The following STS variants were observed in gnomAD, a reference collection of about 807,000 sequenced individuals.
STS encodes the protein steroid sulfatase, also known as steryl-sulfatase.
A neutral mutation model predicts 26.8 loss-of-function variants in STS; 7 were observed. The observed-to-expected ratio is 0.26, with a 90% confidence interval of 0.15 to 0.49. STS has a LOEUF of 0.49. STS is among the 20% of genes least tolerant of loss of function. The pLI, the probability that STS is intolerant of heterozygous loss-of-function variation, is 0.98. For synonymous variants in STS, 199 were observed against 189.4 expected (o/e 1.05, Z -0.42); for missense variants, 434 against 465.6 (o/e 0.93, Z 0.63).
chrX:7,253,352 C>T lies in STS; in HGVS notation c.137+16C>T, dbSNP rs1923238132. 3 of 1,208,897 alleles carry T rather than the reference C, an allele frequency of 2.5e-6. No homozygotes were observed. Among genetic ancestry groups the T allele is most frequent in the Non-Finnish European group, 3.4e-6 (3 of 894,714 alleles). On this transcript the variant is annotated intron_variant, in intron 3 of 10. Transcript: ENST00000674429. Reference sequence around the variant, plus strand: ...AAACTATCAGGTTGGTAATGCAGCTCCTCAGTAAACACATGGCTGTATTCA... The same window carrying T: ...AAACTATCAGGTTGGTAATGCAGCTTCTCAGTAAACACATGGCTGTATTCA...
intron 9 of STS, among the ~76,000 whole-genome samples, chrX:7,328,355 T>C: frequency 9.0e-6 from 1 of 111,541 alleles, no homozygotes; most frequent in African/African-American, 3.3e-5. Flanking sequence ...TTCTACCTTC[T>C]AGCCACTCTA....
intron 8 of STS, among the ~76,000 whole-genome samples, chrX:7,324,232 T>C (rs1927246782): frequency 9.0e-6 from 1 of 110,680 alleles, no homozygotes; most frequent in African/African-American, 3.3e-5. Context: ...TGGCAGTTGG[T>C]TGAAAGAGTT....
chrX:7,273,759 TTGTA>T (rs1924397776), intron 6 of STS, among the ~76,000 whole-genome samples: 1 of 111,449 alleles, frequency 9.0e-6, no homozygotes, highest in Non-Finnish European at 1.9e-5. Flanking sequence ...TTAAATGAAT[TTGTA>T]TGCCCTTTCT....
At chrX:7,246,374 T>G (rs1157383972) in intron 2 of STS, among the ~76,000 whole-genome samples, 1 of 109,226 alleles carries the variant, frequency 9.2e-6, no homozygotes, top group Non-Finnish European at 1.9e-5. Flanking sequence ...CGATCTCGGC[T>G]CACTGCAAGC....
intron 6 of STS, among the ~76,000 whole-genome samples, chrX:7,275,294 A>G (rs1259237809): frequency 1.8e-5 from 2 of 111,905 alleles, no homozygotes; most frequent in Non-Finnish European, 3.8e-5. Context: ...AGTAGATTTT[A>G]AATGTTCTCA....
chrX:7,258,746 A>G (rs1923570745), intron 5 of STS, among the ~76,000 whole-genome samples: 1 of 111,193 alleles, frequency 9.0e-6, no homozygotes, highest in African/African-American at 3.3e-5. Context: ...GAGGTGCTTA[A>G]AATAATTGCT....
At chrX:7,325,046 G>C (rs1486763688) in intron 8 of STS, among the ~76,000 whole-genome samples, 1 of 111,809 alleles carries the variant, frequency 8.9e-6, no homozygotes, top group Non-Finnish European at 1.9e-5. Context: ...CAGAGTCATT[G>C]ATTTGAATCT....
intron 1 of STS, among the ~76,000 whole-genome samples, chrX:7,153,388 C>G (rs1313984099): frequency 1.0e-5 from 1 of 99,747 alleles, no homozygotes; most frequent in Non-Finnish European, 2.0e-5. Context: ...CTCTCTCATT[C>G]CTTCCCTTCC....
intron 7 of STS, among the ~76,000 whole-genome samples, chrX:7,294,574 C>T (rs576173808): frequency 3.6e-5 from 4 of 112,002 alleles, no homozygotes; most frequent in African/African-American, 1.3e-4. Flanking sequence ...ATTTTAGTCA[C>T]ATCTCTAAGC....
chrX:7,151,552 T>C (rs1933012049), intron 1 of STS, among the ~76,000 whole-genome samples: 1 of 112,202 alleles, frequency 8.9e-6, no homozygotes, highest in South Asian at 3.7e-4. Context: ...CGCTGCTGCT[T>C]TCCTCCAAGC....
chrX:7,318,641 G>A (rs1220191565), intron 8 of STS, among the ~76,000 whole-genome samples: 7 of 111,320 alleles, frequency 6.3e-5, no homozygotes, highest in Admixed American at 1.9e-4. Context: ...TGGGAATCTC[G>A]TGATGTTCCA....
chrX:7,156,174 A>C (rs1274243847), intron 1 of STS, among the ~76,000 whole-genome samples: 1 of 110,154 alleles, frequency 9.1e-6, no homozygotes, highest in African/African-American at 3.3e-5. Flanking sequence ...AATTCTGAGA[A>C]TCTATTGACA....
intron 6 of STS, among the ~76,000 whole-genome samples, chrX:7,270,835 T>C (rs769420069): frequency 5.4e-5 from 6 of 112,121 alleles, no homozygotes; most frequent in Non-Finnish European, 9.4e-5. Context: ...ACTCAACTGT[T>C]CTTTCAGTCC....
chrX:7,151,490 C>A (rs1471424828), intron 1 of STS, among the ~76,000 whole-genome samples: 1 of 111,989 alleles, frequency 8.9e-6, no homozygotes, highest in Non-Finnish European at 1.9e-5. Context: ...CTTTGCAACG[C>A]TGACTTAGGA....
intron 7 of STS, among the ~76,000 whole-genome samples, chrX:7,282,164 C>T (rs1250358003): frequency 9.3e-6 from 1 of 107,319 alleles, no homozygotes; most frequent in African/African-American, 3.4e-5. Flanking sequence ...TGGCAGCCCT[C>T]CGATAAAATA....
intron 7 of STS, among the ~76,000 whole-genome samples, chrX:7,277,896 T>G (rs777450755): frequency 8.9e-6 from 1 of 112,481 alleles, no homozygotes; most frequent in Non-Finnish European, 1.9e-5. Context: ...TTTTAATGAG[T>G]GTTCTATTTT....
chrX:7,181,782 AAAAAC>A (rs1235291537), intron 1 of STS, among the ~76,000 whole-genome samples: 4 of 112,363 alleles, frequency 3.6e-5, no homozygotes, highest in African/African-American at 1.3e-4. Context: ...TTGAAAAACA[AAAAAC>A]AAAAAGACAA....
At chrX:7,277,187 T>C (rs1924582001) in intron 7 of STS, among the ~76,000 whole-genome samples, 1 of 112,327 alleles carries the variant, frequency 8.9e-6, no homozygotes, top group Admixed American at 9.4e-5. Context: ...ATCTGGACAG[T>C]ATCAGAGTGA....
intron 8 of STS, among the ~76,000 whole-genome samples, chrX:7,316,700 G>A (rs1459577202): frequency 1.8e-5 from 2 of 111,861 alleles, no homozygotes; most frequent in African/African-American, 6.5e-5. Flanking sequence ...CATAATAGAT[G>A]GGTAATACGT....
Sources: allele counts gnomAD v4.1 joint callset (sites outside exome capture counted in the v4.1 genomes callset), GRCh38; gene constraint gnomAD v4.1.1; transcripts MANE v1.5; gene names NCBI Gene and HGNC (gene_info 2026-07-23, HGNC 2026-07-21).